Variants in KALRN observed in about 807,000 individuals in gnomAD.
The protein encoded by KALRN is kalirin RhoGEF kinase, also known as kalirin.
KALRN carries 70 observed loss-of-function variants against 353.7 expected under a neutral mutation model. The observed-to-expected ratio is 0.20, with a 90% CI of 0.16 to 0.24. The LOEUF is 0.24. Among genes scored for constraint, KALRN ranks in the 10% least tolerant of loss-of-function variants. The pLI, the probability that KALRN is intolerant of heterozygous loss-of-function variation, is 1.00. For synonymous variants in KALRN, 1,391 were observed against 1,434.8 expected (o/e 0.97, Z 0.69); for missense variants, 2,791 against 3,756.7 (o/e 0.74, Z 6.72).
At chr3:124,636,436 T>A (rs144521947) in intron 36 of KALRN, among the ~76,000 whole-genome samples, 1 of 152,344 alleles carries the variant, frequency 6.6e-6, no homozygotes, top group Non-Finnish European at 1.5e-5. Context: ...AACTCCTCAC[T>A]GCTGGTGCAG....
chr3:124,329,707 A>G (rs1031904442), intron 7 of KALRN, among the ~76,000 whole-genome samples, 154 bp from the exon 8 acceptor site: 1 of 152,122 alleles, frequency 6.6e-6, no homozygotes, highest in Non-Finnish European at 1.5e-5. Context: ...GTTAGTGTTC[A>G]TAGAATTAAA....
At chr3:124,433,413 A>T (rs746714298) in intron 16 of KALRN, among the ~76,000 whole-genome samples, 4 of 151,766 alleles carry the variant, frequency 2.6e-5, no homozygotes, top group Non-Finnish European at 5.9e-5. Context: ...AGACAGCAAG[A>T]TCCCATTTCT....
intron 18 of KALRN, among the ~76,000 whole-genome samples, chr3:124,440,477 A>G (rs978472492): frequency 6.6e-6 from 1 of 152,068 alleles, no homozygotes; most frequent in Non-Finnish European, 1.5e-5. Flanking sequence ...TGAGACCACC[A>G]TCAAGCTGTT....
intron 37 of KALRN, among the ~76,000 whole-genome samples, chr3:124,637,510 G>A (rs1484259383): frequency 6.6e-6 from 1 of 152,178 alleles, no homozygotes; most frequent in African/African-American, 2.4e-5. Flanking sequence ...TCATTTGGGG[G>A]CTGCAGTGTT....
At chr3:124,252,725 G>A (rs898041055) in intron 3 of KALRN, among the ~76,000 whole-genome samples, 1 of 152,184 alleles carries the variant, frequency 6.6e-6, no homozygotes, top group Non-Finnish European at 1.5e-5. Context: ...TAGATTCTGA[G>A]GAGGTCTTTT....
At chr3:124,616,209 C>G (rs944498975) in intron 34 of KALRN, among the ~76,000 whole-genome samples, 2 of 152,168 alleles carry the variant, frequency 1.3e-5, no homozygotes, top group Non-Finnish European at 2.9e-5. Context: ...CACTTAATTA[C>G]AGTCTTAAAC....
chr3:124,536,928 A>T (rs986059089), intron 33 of KALRN, among the ~76,000 whole-genome samples: 4 of 151,844 alleles, frequency 2.6e-5, no homozygotes, highest in African/African-American at 9.6e-5. Context: ...AACATAAGAG[A>T]ATCCACATCT....
At chr3:124,159,746 T>A (rs2069620720) in intron 1 of KALRN, among the ~76,000 whole-genome samples, 1 of 152,088 alleles carries the variant, frequency 6.6e-6, no homozygotes, top group Non-Finnish European at 1.5e-5. Flanking sequence ...CACATGCTAT[T>A]TCTTGGGTAA....
At position 124,063,596 on chromosome 3, in the gene KALRN, A is replaced by G. The variant is rs150477904; in HGVS notation, c.73+29783A>G. Among the ~76,000 whole-genome samples the G allele has an allele frequency of 1.7e-4, 26 of 152,346 alleles. No individual in the cohort carries two copies. The East Asian group carries it at 5.0e-3, about 29-fold the overall frequency. On this transcript the variant is annotated intron_variant, in intron 1 of 59. Coordinates refer to ENST00000682506, the MANE Select transcript of KALRN (RefSeq NM_001388419.1). ...AGCAAGCTGGAGGCAAACAGATGTC[A>G]GTATTTAGCAAGATGTTAGGACATT...
At chr3:124,465,468 G>A (rs1209372192) in intron 25 of KALRN, among the ~76,000 whole-genome samples, 1 of 152,104 alleles carries the variant, frequency 6.6e-6, no homozygotes, top group Non-Finnish European at 1.5e-5. Flanking sequence ...TTAATCTTTT[G>A]TTTGTAAAAG....
chr3:124,320,806 C>A (rs945394231), intron 6 of KALRN, among the ~76,000 whole-genome samples: 30 of 152,152 alleles, frequency 2.0e-4, no homozygotes, highest in Admixed American at 6.5e-4. Flanking sequence ...ATAGACAATT[C>A]TGGGCTCCAG....
chr3:124,369,397 T>C (rs1263660833), intron 10 of KALRN, among the ~76,000 whole-genome samples: 1 of 152,218 alleles, frequency 6.6e-6, no homozygotes, highest in African/African-American at 2.4e-5. Context: ...ACTCCCACTT[T>C]CCAATTTCAG....
At chr3:124,122,991 A>G (rs2064199604) in intron 1 of KALRN, among the ~76,000 whole-genome samples, 1 of 152,116 alleles carries the variant, frequency 6.6e-6, no homozygotes, top group African/African-American at 2.4e-5. Flanking sequence ...TCACAAGATC[A>G]GGAGTTTGAG....
rs1252062713 is a variant in KALRN at position 124,486,040 on chromosome 3, A to G, written c.4285-2164A>G. On this transcript the variant is annotated intron_variant, in intron 28 of 59. Transcript: ENST00000682506. ...TCAAATACATGTATATTTAATTGTCAGTATCCTCTGGGTTCATCACTTTAG... is the reference window on the plus strand; with the variant it reads ...TCAAATACATGTATATTTAATTGTCGGTATCCTCTGGGTTCATCACTTTAG... Among the ~76,000 whole-genome samples, 3 of 152,234 alleles carry G rather than the reference A, an allele frequency of 2.0e-5. No homozygotes were observed. In the East Asian group the frequency reaches 5.8e-4, roughly 29 times the overall value.
intron 1 of KALRN, among the ~76,000 whole-genome samples, chr3:124,149,013 A>G (rs1238779417): frequency 1.3e-5 from 2 of 152,204 alleles, no homozygotes; most frequent in Non-Finnish European, 2.9e-5. Context: ...TCTGATGGGT[A>G]TATTTTATCA....
In KALRN at chr3:124,526,288, A is replaced by G. The variant is rs553718050; in HGVS notation, c.4935+29875A>G. ...GATTAAAAGTCTTATAAAAATACAT[A>G]TGGAGCCAGGTGGGTGGCACATGCC... On this transcript the variant is annotated intron_variant, in intron 33 of 59. Coordinates refer to ENST00000682506, the MANE Select transcript of KALRN (RefSeq NM_001388419.1). Among the ~76,000 whole-genome samples the G allele has an allele frequency of 2.0e-5, 3 of 152,282 alleles. No individual in the cohort carries two copies. In the East Asian group the frequency reaches 5.8e-4, roughly 29 times the overall value.
intron 1 of KALRN, among the ~76,000 whole-genome samples, chr3:124,204,722 T>C (rs1372861523): frequency 6.6e-6 from 1 of 152,230 alleles, no homozygotes; most frequent in Admixed American, 6.5e-5. Flanking sequence ...TTTAAAATAA[T>C]CCCTGTTTTA....
chr3:124,603,199 C>T (rs2076988152), intron 34 of KALRN, among the ~76,000 whole-genome samples: 1 of 152,166 alleles, frequency 6.6e-6, no homozygotes, highest in African/African-American at 2.4e-5. Flanking sequence ...GTTTGTCTAC[C>T]TTTGCCAGCA....
chr3:124,300,035 A>T (rs2077145797), intron 6 of KALRN, among the ~76,000 whole-genome samples: 1 of 152,150 alleles, frequency 6.6e-6, no homozygotes, highest in Non-Finnish European at 1.5e-5. Context: ...TGATGTTGGG[A>T]GTGGGGCAAG....
Sources: allele counts gnomAD v4.1 joint callset (sites outside exome capture counted in the v4.1 genomes callset), GRCh38; gene constraint gnomAD v4.1.1; transcripts MANE v1.5; gene names NCBI Gene and HGNC (gene_info 2026-07-23, HGNC 2026-07-21).